The following FIGN variants were observed in gnomAD, a reference collection of about 807,000 sequenced individuals.
FIGN encodes fidgetin, microtubule severing factor, also known as fidgetin.
Under a neutral mutation model 51.3 loss-of-function variants are expected in FIGN, and 11 were observed. That is an observed-to-expected ratio of 0.21 (90% CI 0.13 to 0.35). FIGN has a LOEUF of 0.35. Among genes scored for constraint, FIGN ranks in the 10% least tolerant of loss-of-function variants. The pLI is 1.00. For synonymous variants in FIGN, 407 were observed against 363.2 expected (o/e 1.12, Z -1.37); for missense variants, 857 against 943.6 (o/e 0.91, Z 1.20).
rs1683883529 is a variant in FIGN at position 163,671,937 on chromosome 2, T to C, written c.26-60131A>G. 3.3e-5 allele frequency among the ~76,000 whole-genome samples: 5 copies of C among 152,152 alleles called. No individual in the cohort carries two copies. In the South Asian group the frequency reaches 8.3e-4, roughly 25 times the overall value. ...ATAACTCTGTGAGTCATTGGCCAACTCATTACTATAATATAATCAATATAT... is the reference window on the plus strand; with the variant it reads ...ATAACTCTGTGAGTCATTGGCCAACCCATTACTATAATATAATCAATATAT... On this transcript the variant is annotated intron_variant, in intron 2 of 2. Transcript: ENST00000333129.
intron 2 of FIGN, among the ~76,000 whole-genome samples, chr2:163,629,813 A>C (rs1279295886): frequency 2.0e-5 from 3 of 152,076 alleles, no homozygotes; most frequent in Non-Finnish European, 2.9e-5. Flanking sequence ...GAAATAGTGG[A>C]AAGGGATAAA....
intron 2 of FIGN, among the ~76,000 whole-genome samples, chr2:163,674,499 A>G (rs1327762059): frequency 6.6e-6 from 1 of 152,194 alleles, no homozygotes; most frequent in Non-Finnish European, 1.5e-5. Context: ...TTGCACTGCC[A>G]ATTATATTAA....
At chr2:163,694,849 C>T (rs371281846) in intron 2 of FIGN, among the ~76,000 whole-genome samples, 8 of 152,216 alleles carry the variant, frequency 5.3e-5, no homozygotes, top group South Asian at 4.1e-4. Flanking sequence ...ATGGGGATCT[C>T]GCTATGTTGC....
At chr2:163,708,099 C>T (rs539306841) in intron 2 of FIGN, among the ~76,000 whole-genome samples, 3 of 152,140 alleles carry the variant, frequency 2.0e-5, no homozygotes, top group Admixed American at 2.0e-4. Flanking sequence ...ATCAGGATAA[C>T]TGAATCTTGG....
intron 2 of FIGN, among the ~76,000 whole-genome samples, chr2:163,648,551 T>C (rs574459622): frequency 2.1e-4 from 32 of 152,216 alleles, no homozygotes; most frequent in Non-Finnish European, 3.8e-4. Flanking sequence ...CTTGTTATTG[T>C]ATGTAAAATT....
intron 2 of FIGN, among the ~76,000 whole-genome samples, chr2:163,712,207 A>C (rs1220883640): frequency 6.6e-6 from 1 of 152,228 alleles, no homozygotes; most frequent in Non-Finnish European, 1.5e-5. Flanking sequence ...TGCTCACTGA[A>C]TTACCATTAA....
chr2:163,705,385 T>C (rs1003888193), intron 2 of FIGN, among the ~76,000 whole-genome samples: 7 of 152,142 alleles, frequency 4.6e-5, no homozygotes, highest in Non-Finnish European at 7.4e-5. Context: ...TTTCTCATAG[T>C]GTTTTGGAGC....
Position 163,604,002 on chromosome 2 carries a change from G to T in FIGN, c.*5550C>A, listed in dbSNP as rs1691031470. ...ATGCTTTCAGTTATGGAACTTGCAA[G>T]CACCATGACTCCACGTTTGTTAATT... On this transcript the variant is annotated 3_prime_UTR_variant, in exon 3 of 3. Transcript: ENST00000333129. 1 of 152,066 alleles carries T rather than the reference G, an allele frequency of 6.6e-6. No individual in the cohort carries two copies. Among genetic ancestry groups the T allele is most frequent in the Non-Finnish European group, 1.5e-5 (1 of 67,964 alleles). The allele number at this position is 152,066 out of a possible 1,614,324, so 9.4% of individuals were successfully genotyped here. A position where few individuals can be genotyped will look rare whatever the true frequency, so the allele number is the denominator to read the frequency against.
chr2:163,644,581 A>C (rs1683354241), intron 2 of FIGN, among the ~76,000 whole-genome samples: 1 of 152,208 alleles, frequency 6.6e-6, no homozygotes, highest in African/African-American at 2.4e-5. Context: ...ACTCTTACGG[A>C]TATACCCATG....
intron 2 of FIGN, among the ~76,000 whole-genome samples, chr2:163,688,869 G>A (rs1020471608): frequency 3.9e-5 from 6 of 152,056 alleles, no homozygotes; most frequent in Admixed American, 1.3e-4. Context: ...ATAGCACATC[G>A]GATAATATAC....
intron 2 of FIGN, among the ~76,000 whole-genome samples, chr2:163,698,466 T>G (rs930589518): frequency 1.3e-5 from 2 of 152,120 alleles, no homozygotes; most frequent in African/African-American, 2.4e-5. Flanking sequence ...AGGGAGGCCC[T>G]GAAGCTGAGA....
chr2:163,638,211 A>G (rs1213895285), intron 2 of FIGN, among the ~76,000 whole-genome samples: 2 of 151,994 alleles, frequency 1.3e-5, no homozygotes, highest in Non-Finnish European at 2.9e-5. Context: ...CTAGTGTGAG[A>G]GTCGCCAAAG....
Position 163,730,769 on chromosome 2 carries a change from A to G in FIGN, c.25+4134T>C, listed in dbSNP as rs151008954. ...CAGATATGCTGATTAATCAAGTTCT[A>G]TCGATCAGTAGCATATGTCAATATT... On this transcript the variant is annotated intron_variant, in intron 2 of 2. Transcript: ENST00000333129. 3.9e-5 allele frequency among the ~76,000 whole-genome samples: 6 copies of G among 152,326 alleles called. No individual in the cohort carries two copies. The East Asian group carries it at 9.6e-4, about 24-fold the overall frequency.
intron 2 of FIGN, chr2:163,612,282 A>C: frequency 1.0e-6 from 1 of 980,060 alleles, no homozygotes; most frequent in Non-Finnish European, 1.2e-6. Flanking sequence ...TTTACATTTT[A>C]AGCAATATAA....
intron 2 of FIGN, among the ~76,000 whole-genome samples, chr2:163,726,195 G>C (rs1439111473): frequency 6.6e-6 from 1 of 152,000 alleles, no homozygotes; most frequent in Non-Finnish European, 1.5e-5. Context: ...AGGCCATTCA[G>C]GGTCCCAATG....
At position 163,609,500 on chromosome 2, in the gene FIGN, T is replaced by G. The variant is rs1211172039; in HGVS notation, c.*52A>C. On this transcript the variant is annotated 3_prime_UTR_variant, in exon 3 of 3. Coordinates refer to ENST00000333129, the MANE Select transcript of FIGN (RefSeq NM_018086.4). The stretch of plus-strand genomic sequence containing the variant: ...GGGGCTCTATTCCCTATGTAGCAGG[T>G]TTTATGTGTGTGTGCCAACATTCAT... 1 of 1,508,402 alleles carries G rather than the reference T, an allele frequency of 6.6e-7. No homozygotes were observed. The highest frequency in any genetic ancestry group is 1.8e-5 in the Admixed American group (1 of 55,802). 93.4% of individuals were successfully genotyped at this position (1,508,402 alleles called of 1,614,324 possible). A position where few individuals can be genotyped will look rare whatever the true frequency, so the allele number is the denominator to read the frequency against.
intron 2 of FIGN, among the ~76,000 whole-genome samples, chr2:163,669,347 G>C (rs1683839320): frequency 6.6e-6 from 1 of 152,082 alleles, no homozygotes; most frequent in Non-Finnish European, 1.5e-5. Flanking sequence ...GAGTAGCTGG[G>C]ACTACAGGCG....
intron 2 of FIGN, among the ~76,000 whole-genome samples, chr2:163,629,277 T>A (rs1299650398): frequency 6.6e-6 from 1 of 151,980 alleles, no homozygotes; most frequent in African/African-American, 2.4e-5. Flanking sequence ...TCAGACAGAG[T>A]GTTTAATTGT....
chr2:163,676,434 AATATATATATATATATAT>A (rs202072418), intron 2 of FIGN, among the ~76,000 whole-genome samples: 1,481 of 65,852 alleles, frequency 0.022, 58 homozygotes, highest in African/African-American at 0.053. Flanking sequence ...GGATTCCTGG[AATATATATATATATATAT>A]ATATATATAT....
Sources: gnomAD v4.1 joint callset for allele counts (sites outside exome capture counted in the v4.1 genomes callset) on GRCh38, gnomAD v4.1.1 for gene constraint, MANE v1.5 for transcripts, NCBI Gene and HGNC (gene_info 2026-07-23, HGNC 2026-07-21) for gene names.